The following NIBAN1 variants were observed in gnomAD, a reference collection of about 807,000 sequenced individuals.
NIBAN1 encodes the protein niban apoptosis regulator 1.
NIBAN1 carries 81 observed loss-of-function variants against 75.1 expected under a neutral mutation model. That is an observed-to-expected ratio of 1.08 (90% confidence interval 0.90 to 1.30). The LOEUF (loss-of-function observed/expected upper bound fraction) is 1.30. Among genes scored for constraint, NIBAN1 ranks in the 50% most tolerant of loss-of-function variants. The probability of loss-of-function intolerance (pLI) is 0.00; values close to 1 mark genes in which losing one functional copy is unlikely to be tolerated. For missense variants in NIBAN1, 1,133 were observed against 1,128.1 expected (o/e 1.00, Z -0.06); for synonymous variants, 436 against 424.8 (o/e 1.03, Z -0.32).
At chr1:184,805,923 C>T in intron 11 of NIBAN1, 23 bp downstream of exon 11, 1 of 1,582,014 alleles carries the variant, frequency 6.3e-7, no homozygotes, top group Non-Finnish European at 8.7e-7. Context: ...TTATGCTTCC[C>T]ACAAACAAGA....
intron 1 of NIBAN1, among the ~76,000 whole-genome samples, chr1:184,917,703 A>AC (rs373710637): frequency 0.028 from 4,225 of 150,488 alleles, 70 homozygotes; most frequent in Middle Eastern, 0.068. Context: ...CAAAAGGAAG[A>AC]CCCCCCCAAT....
chr1:184,865,886 G>A (rs1655943909), intron 5 of NIBAN1, among the ~76,000 whole-genome samples: 1 of 152,122 alleles, frequency 6.6e-6, no homozygotes, highest in African/African-American at 2.4e-5. Context: ...ACAAGTAACT[G>A]CACAGATAGT....
chr1:184,947,430 T>C (rs1284318306), intron 1 of NIBAN1, among the ~76,000 whole-genome samples: 1 of 152,204 alleles, frequency 6.6e-6, no homozygotes, highest in Non-Finnish European at 1.5e-5. Context: ...AAAGTTTATG[T>C]TGGCGATGAT....
intron 1 of NIBAN1, among the ~76,000 whole-genome samples, chr1:184,908,561 T>G (rs1431337680): frequency 1.3e-5 from 2 of 152,214 alleles, no homozygotes; most frequent in African/African-American, 2.4e-5. Context: ...AGACCTTAAG[T>G]TTGGTTTCCT....
chr1:184,831,188 A>G (rs1654989899), intron 6 of NIBAN1, among the ~76,000 whole-genome samples: 1 of 152,190 alleles, frequency 6.6e-6, no homozygotes, highest in South Asian at 2.1e-4. Flanking sequence ...TGCTTAGGCC[A>G]TGATTGGCAT....
rs1012261022 is a variant in NIBAN1, at chr1:184,818,072, C to T, written c.1173+566G>A. 2.0e-5 allele frequency among the ~76,000 whole-genome samples: 3 copies of T among 152,134 alleles called. No homozygotes were observed. In the South Asian group the frequency reaches 6.2e-4, roughly 32 times the overall value. On this transcript the variant is annotated intron_variant, in intron 9 of 13. Transcript: ENST00000367511. ...TGTGAATCTGTTGTGATTCTAGGGGCTGCCCGATTCACAAATGGTTTGTTG... is the reference window on the plus strand; with the variant it reads ...TGTGAATCTGTTGTGATTCTAGGGGTTGCCCGATTCACAAATGGTTTGTTG...
chr1:184,926,347 C>T (rs1210857734), intron 1 of NIBAN1, among the ~76,000 whole-genome samples: 1 of 152,204 alleles, frequency 6.6e-6, no homozygotes, highest in Non-Finnish European at 1.5e-5. Context: ...AAGTGATTCT[C>T]CTGTCTCAGA....
intron 1 of NIBAN1, among the ~76,000 whole-genome samples, chr1:184,910,693 T>C (rs904479809): frequency 1.3e-5 from 2 of 152,188 alleles, no homozygotes; most frequent in Non-Finnish European, 2.9e-5. Context: ...GTTTGAGCCA[T>C]GGGATGCCAA....
intron 5 of NIBAN1, among the ~76,000 whole-genome samples, chr1:184,858,357 A>G (rs1251332546): frequency 6.6e-6 from 1 of 152,244 alleles, no homozygotes; most frequent in Admixed American, 6.5e-5. Context: ...AAGAAAAAGA[A>G]TGAATAAATG....
chr1:184,832,909 C>T (rs573686269), intron 5 of NIBAN1, among the ~76,000 whole-genome samples: 12 of 152,046 alleles, frequency 7.9e-5, no homozygotes, highest in Middle Eastern at 3.4e-3. Context: ...ACAATGATTA[C>T]AAAATTATAG....
intron 1 of NIBAN1, among the ~76,000 whole-genome samples, chr1:184,909,027 AAAT>A (rs1657173712): frequency 6.6e-6 from 1 of 152,242 alleles, no homozygotes; most frequent in Non-Finnish European, 1.5e-5. Flanking sequence ...TCAGAAACTG[AAAT>A]AATGAGATTC....
At chr1:184,927,361 T>C (rs1282735897) in intron 1 of NIBAN1, among the ~76,000 whole-genome samples, 1 of 152,250 alleles carries the variant, frequency 6.6e-6, no homozygotes, top group East Asian at 1.9e-4. Context: ...TTTGGTCACT[T>C]CTGCCATATC....
chr1:184,904,924 T>A (rs1285333678), intron 1 of NIBAN1, among the ~76,000 whole-genome samples: 1 of 110,766 alleles, frequency 9.0e-6, no homozygotes, highest in Admixed American at 8.1e-5. Flanking sequence ...GCACCCTAGG[T>A]GACAGAGCGA....
intron 1 of NIBAN1, among the ~76,000 whole-genome samples, chr1:184,974,038 C>A (rs1480219380): frequency 6.6e-6 from 1 of 152,178 alleles, no homozygotes; most frequent in African/African-American, 2.4e-5. Context: ...GACCCCGAGG[C>A]GGCGGGAGCG....
At chr1:184,886,288 G>C (rs1282820196) in intron 4 of NIBAN1, among the ~76,000 whole-genome samples, 1 of 152,128 alleles carries the variant, frequency 6.6e-6, no homozygotes, top group African/African-American at 2.4e-5. Context: ...GTAGGGAGGC[G>C]GGGGAGGGGA....
chr1:184,907,861 C>T (rs781027256), intron 1 of NIBAN1, among the ~76,000 whole-genome samples: 2 of 152,160 alleles, frequency 1.3e-5, no homozygotes, highest in Admixed American at 1.3e-4. Flanking sequence ...GATTCTGCAG[C>T]CTACCCTGTA....
intron 1 of NIBAN1, among the ~76,000 whole-genome samples, chr1:184,916,576 T>C (rs1657390108): frequency 6.6e-6 from 1 of 152,170 alleles, no homozygotes; most frequent in Non-Finnish European, 1.5e-5. Context: ...CATATACAAC[T>C]TGGCCAAAGT....
At chr1:184,915,550 G>GT (rs1303946553) in intron 1 of NIBAN1, among the ~76,000 whole-genome samples, 12 of 152,154 alleles carry the variant, frequency 7.9e-5, no homozygotes, top group Non-Finnish European at 1.6e-4. Context: ...CACTTGATCA[G>GT]TTTTCCTTTG....
At chr1:184,970,927 T>G (rs1290974798) in intron 1 of NIBAN1, among the ~76,000 whole-genome samples, 1 of 150,660 alleles carries the variant, frequency 6.6e-6, no homozygotes, top group Non-Finnish European at 1.5e-5. Context: ...GTGTGGGGGG[T>G]TTTTTGGTTT....
Sources: allele counts gnomAD v4.1 joint callset (sites outside exome capture counted in the v4.1 genomes callset), GRCh38; gene constraint gnomAD v4.1.1; transcripts MANE v1.5; gene names NCBI Gene and HGNC (gene_info 2026-07-23, HGNC 2026-07-21).